Variants in PCDH15 observed in about 807,000 individuals in gnomAD.
The protein encoded by PCDH15 is protocadherin-15.
In PCDH15, 129 loss-of-function variants were observed where a neutral mutation model predicts 178.5. The ratio of observed to expected loss-of-function variants is 0.72; its 90% CI spans 0.63 to 0.84. The LOEUF is 0.84. Among genes scored for constraint, PCDH15 ranks in the 40% least tolerant of loss-of-function variants. The probability of loss-of-function intolerance (pLI) is 0.00; values close to 1 mark genes in which losing one functional copy is unlikely to be tolerated. For synonymous variants in PCDH15, 800 were observed against 732.0 expected (o/e 1.09, Z -1.50); for missense variants, 2,230 against 2,099.9 (o/e 1.06, Z -1.21).
chr10:54,178,379 C>G (rs147664454), intron 13 of PCDH15, among the ~76,000 whole-genome samples: 6 of 151,932 alleles, frequency 3.9e-5, no homozygotes, highest in African/African-American at 7.3e-5. Flanking sequence ...GGAAAATAAT[C>G]AGAGTGGGAT....
intron 2 of PCDH15, chr10:54,607,999 T>A (rs2092820032): frequency 2.1e-6 from 1 of 474,128 alleles, no homozygotes; most frequent in African/African-American, 2.1e-5. Flanking sequence ...TCATTTTGGT[T>A]ATTGTGAGAA....
chr10:54,100,983 A>G (rs1315625702), intron 15 of PCDH15, among the ~76,000 whole-genome samples: 1 of 152,156 alleles, frequency 6.6e-6, no homozygotes, highest in Non-Finnish European at 1.5e-5. Flanking sequence ...TGTGTCTAAG[A>G]TAGGTAGATA....
upstream of PCDH15, among the ~76,000 whole-genome samples, chr10:54,803,323 T>G (rs191822232): frequency 5.3e-5 from 8 of 152,280 alleles, no homozygotes; most frequent in Admixed American, 5.2e-4. Context: ...AAATACCTAT[T>G]TTTTGACAGA....
At chr10:55,283,690 T>C (rs1038885690) in intron 1 of PCDH15, among the ~76,000 whole-genome samples, 5 of 151,296 alleles carry the variant, frequency 3.3e-5, no homozygotes, top group Non-Finnish European at 7.4e-5. Context: ...AAAACCTTTG[T>C]AAAATGAATT....
At chr10:54,762,058 T>C (rs1947943914) in intron 1 of PCDH15, among the ~76,000 whole-genome samples, 1 of 152,110 alleles carries the variant, frequency 6.6e-6, no homozygotes, top group African/African-American at 2.4e-5. Flanking sequence ...CTCCTTACCA[T>C]AAAGTGAGAA....
intron 10 of PCDH15, among the ~76,000 whole-genome samples, chr10:54,205,097 G>T (rs2050652594): frequency 6.6e-6 from 1 of 152,006 alleles, no homozygotes. Context: ...TGTAAATCTT[G>T]ATTCTGTAGG....
intron 21 of PCDH15, among the ~76,000 whole-genome samples, chr10:53,965,496 A>G (rs1046415840): frequency 2.0e-5 from 3 of 152,202 alleles, no homozygotes; most frequent in African/African-American, 7.2e-5. Context: ...ATAACAAATC[A>G]ACTTAACATT....
chr10:54,577,311 C>T (rs145351140), intron 2 of PCDH15, among the ~76,000 whole-genome samples: 3 of 148,768 alleles, frequency 2.0e-5, no homozygotes, highest in African/African-American at 7.4e-5. Flanking sequence ...CCAGGATAGT[C>T]TCGATCTCCT....
chr10:54,906,501 G>A (rs1011504412), intron 2 of PCDH15, among the ~76,000 whole-genome samples: 1 of 151,856 alleles, frequency 6.6e-6, no homozygotes, highest in Non-Finnish European at 1.5e-5. Flanking sequence ...ATTTTATTTT[G>A]TTCTCTCTAT....
intron 3 of PCDH15, among the ~76,000 whole-genome samples, chr10:54,821,792 A>G (rs1271887504): frequency 6.6e-6 from 1 of 152,088 alleles, no homozygotes; most frequent in Non-Finnish European, 1.5e-5. Context: ...TTTTTGGTAG[A>G]TTCTCCACCA....
At chr10:55,332,403 T>C (rs1650829801) in intron 2 of PCDH15, among the ~76,000 whole-genome samples, 1 of 152,100 alleles carries the variant, frequency 6.6e-6, no homozygotes, top group Non-Finnish European at 1.5e-5. Flanking sequence ...TGGCAAAGGA[T>C]AAGGCAAATT....
At chr10:55,486,142 A>G (rs1342806315) in intron 2 of PCDH15, among the ~76,000 whole-genome samples, 3 of 151,642 alleles carry the variant, frequency 2.0e-5, no homozygotes, top group African/African-American at 7.3e-5. Context: ...CTTTCACTGT[A>G]ATAAATTGTA....
intron 2 of PCDH15, among the ~76,000 whole-genome samples, chr10:54,561,641 GT>G (rs1316026963): frequency 1.3e-5 from 2 of 151,964 alleles, no homozygotes; most frequent in Non-Finnish European, 2.9e-5. Context: ...CACTTCCTAG[GT>G]TTCATAATCT....
chr10:54,206,191 A>G (rs915061936), intron 10 of PCDH15, among the ~76,000 whole-genome samples: 10 of 152,140 alleles, frequency 6.6e-5, no homozygotes, highest in Non-Finnish European at 1.0e-4. Context: ...AATGATAAAA[A>G]TCTTTCTTTT....
At position 54,117,956 on chromosome 10, in the gene PCDH15, A is replaced by C. The variant is rs1590587264; in HGVS notation, c.1917+14919T>G. 2.6e-5 allele frequency among the ~76,000 whole-genome samples: 4 copies of C among 152,302 alleles called. No homozygotes were observed. In the East Asian group the frequency reaches 5.8e-4, roughly 22 times the overall value. On this transcript the variant is annotated intron_variant, in intron 15 of 37. Transcript: ENST00000644397. ...CCCAAAAGCAGCACCCTAAATTCTC[A>C]TTCTGATCTGCCGAACTGACAGCTG... is the stretch of plus-strand genomic sequence containing the variant.
chr10:55,544,421 C>T (rs1027841335), intron 2 of PCDH15, among the ~76,000 whole-genome samples: 1 of 151,774 alleles, frequency 6.6e-6, no homozygotes, highest in Non-Finnish European at 1.5e-5. Context: ...AAAAGGCACA[C>T]ATTAATATAT....
intron 2 of PCDH15, among the ~76,000 whole-genome samples, chr10:55,478,622 T>A: frequency 6.7e-6 from 1 of 148,846 alleles, no homozygotes; most frequent in African/African-American, 2.5e-5. Flanking sequence ...AAACACAAAA[T>A]TAGGAGAAGG....
At chr10:55,050,633 T>G (rs1395114825) in intron 2 of PCDH15, among the ~76,000 whole-genome samples, 1 of 152,092 alleles carries the variant, frequency 6.6e-6, no homozygotes, top group Non-Finnish European at 1.5e-5. Context: ...ATTCCAAAGC[T>G]GTATTGGCAT....
chr10:54,012,181 A>G (rs2092607742), intron 20 of PCDH15, among the ~76,000 whole-genome samples: 2 of 152,228 alleles, frequency 1.3e-5, no homozygotes, highest in Non-Finnish European at 2.9e-5. Flanking sequence ...AACTAAGGAA[A>G]GAATCAGAGA....
Sources: allele counts gnomAD v4.1 joint callset (sites outside exome capture counted in the v4.1 genomes callset), GRCh38; gene constraint gnomAD v4.1.1; transcripts MANE v1.5; gene names NCBI Gene and HGNC (gene_info 2026-07-23, HGNC 2026-07-21).